Variants in TBC1D1 observed in about 807,000 individuals in gnomAD.
TBC1D1 encodes the protein TBC1 (tre-2/USP6, BUB2, cdc16) domain family, member 1.
In TBC1D1, 89 loss-of-function variants were observed where a neutral mutation model predicts 125.6. The ratio of observed to expected loss-of-function variants is 0.71; its 90% CI spans 0.60 to 0.85. The LOEUF (loss-of-function observed/expected upper bound fraction) is 0.85, where lower values mean the gene tolerates loss of function less well. Among genes scored for constraint, TBC1D1 ranks in the 40% least tolerant of loss-of-function variants. The pLI, the probability that TBC1D1 is intolerant of heterozygous loss-of-function variation, is 0.00. For missense variants in TBC1D1, 1,377 were observed against 1,469.2 expected, an observed-to-expected ratio of 0.94 and a Z score of 1.03; for synonymous variants, 565 against 564.1, an observed-to-expected ratio of 1.00 and a Z score of -0.02.
intron 2 of TBC1D1, among the ~76,000 whole-genome samples, chr4:37,997,440 A>G (rs533281010): frequency 6.6e-6 from 1 of 152,342 alleles, no homozygotes; most frequent in Admixed American, 6.5e-5. Flanking sequence ...TCACTTGTAC[A>G]TTAAAAGAGT....
chr4:38,124,809 CTGAGA>C (rs1764379443), intron 17 of TBC1D1, among the ~76,000 whole-genome samples, 148 bp from the exon 20 acceptor site: 1 of 152,096 alleles, frequency 6.6e-6, no homozygotes, highest in Non-Finnish European at 1.5e-5. Flanking sequence ...ACAACACTGT[CTGAGA>C]TATCAGGCTC....
At position 38,138,920 on chromosome 4, in the gene TBC1D1, C is replaced by G. The variant is rs1578903432; in HGVS notation, c.*1585C>G. On this transcript the variant is annotated 3_prime_UTR_variant, in exon 20 of 20. Transcript: ENST00000261439. ...ACAGGTGGCTGGCATTCGAGACTTCCTCCTGTTCCCTGGGTCAGAGGATAG... is the reference window on the plus strand; with the variant it reads ...ACAGGTGGCTGGCATTCGAGACTTCGTCCTGTTCCCTGGGTCAGAGGATAG... 6.5e-6 allele frequency: 1 copy of G among 152,742 alleles called. No individual in the cohort carries two copies. Among genetic ancestry groups the G allele is most frequent in the East Asian group, 1.9e-4 (1 of 5,186 alleles). 9.5% of individuals were successfully genotyped at this position (152,742 alleles called of 1,614,324 possible). A position where few individuals can be genotyped will look rare whatever the true frequency, so the allele number is the denominator to read the frequency against.
chr4:37,946,566 T>C (rs1274709611), intron 2 of TBC1D1, among the ~76,000 whole-genome samples: 1 of 152,212 alleles, frequency 6.6e-6, no homozygotes, highest in Non-Finnish European at 1.5e-5. Context: ...AATTTTTTCA[T>C]GTTCCAAAGA....
chr4:38,005,988 C>T (rs1740083122), intron 2 of TBC1D1, among the ~76,000 whole-genome samples: 2 of 152,084 alleles, frequency 1.3e-5, no homozygotes, highest in African/African-American at 2.4e-5. Context: ...GTTTTTTGGT[C>T]CTGTTTCTTT....
chr4:38,080,338 T>C (rs993487935), intron 12 of TBC1D1, among the ~76,000 whole-genome samples: 2 of 152,212 alleles, frequency 1.3e-5, no homozygotes, highest in Non-Finnish European at 2.9e-5. Flanking sequence ...GGGTTAAGTG[T>C]GGGCAGCAGT....
At chr4:38,110,903 C>G (rs1380039930) in intron 15 of TBC1D1, among the ~76,000 whole-genome samples, 1 of 152,228 alleles carries the variant, frequency 6.6e-6, no homozygotes, top group Admixed American at 6.5e-5. Context: ...GTGGCCTTCT[C>G]TCCTGTCTTC....
chr4:37,902,080 C>T lies in TBC1D1; in HGVS notation c.-16C>T. The T allele has an allele frequency of 6.3e-7, 1 of 1,581,578 alleles. No individual in the cohort carries two copies. Among genetic ancestry groups the T allele is most frequent in the Non-Finnish European group, 8.6e-7 (1 of 1,164,366 alleles). ...CAGTGATAACTGTTTTGCTGAGTTC[C>T]CAGACCCTTCCCAAGATGGAACCAA... is the stretch of plus-strand genomic sequence containing the variant. On this transcript the variant is annotated 5_prime_UTR_variant, in exon 2 of 20. Coordinates refer to ENST00000261439, the MANE Select transcript of TBC1D1 (RefSeq NM_015173.4).
chr4:37,970,411 C>T (rs116537536), intron 2 of TBC1D1, among the ~76,000 whole-genome samples: 1 of 152,224 alleles, frequency 6.6e-6, no homozygotes, highest in South Asian at 2.1e-4. Context: ...GTCCTATCTC[C>T]TCCTATGCAA....
At chr4:37,933,085 T>C (rs1475296297) in intron 2 of TBC1D1, among the ~76,000 whole-genome samples, 2 of 151,692 alleles carry the variant, frequency 1.3e-5, no homozygotes, top group Non-Finnish European at 2.9e-5. Flanking sequence ...AAAAAACTTA[T>C]ATTAGAATGT....
At chr4:38,105,889 G>A (rs1761212201) in intron 15 of TBC1D1, among the ~76,000 whole-genome samples, 1 of 152,196 alleles carries the variant, frequency 6.6e-6, no homozygotes, top group Admixed American at 6.5e-5. Context: ...GAATAGTGCT[G>A]TGATGAACGT....
At chr4:38,012,094 C>G (rs1741626266) in intron 2 of TBC1D1, among the ~76,000 whole-genome samples, 1 of 152,164 alleles carries the variant, frequency 6.6e-6, no homozygotes, top group African/African-American at 2.4e-5. Flanking sequence ...ATTTTCTGTT[C>G]AGAGTGGGGT....
chr4:37,955,843 A>G (rs1217456857), intron 2 of TBC1D1, among the ~76,000 whole-genome samples: 1 of 152,190 alleles, frequency 6.6e-6, no homozygotes, highest in Non-Finnish European at 1.5e-5. Context: ...AGATTATAAT[A>G]CATATTGTCA....
At chr4:37,982,110 T>G (rs1734444330) in intron 2 of TBC1D1, among the ~76,000 whole-genome samples, 1 of 152,218 alleles carries the variant, frequency 6.6e-6, no homozygotes, top group African/African-American at 2.4e-5. Flanking sequence ...CAAAGTTCTG[T>G]CCTGACTCTG....
intron 2 of TBC1D1, among the ~76,000 whole-genome samples, chr4:38,010,110 G>A (rs1182200086): frequency 2.6e-5 from 4 of 152,190 alleles, no homozygotes; most frequent in African/African-American, 9.7e-5. Context: ...GGAAGTATAT[G>A]TTCTTTTAGA....
chr4:38,077,572 T>A (rs1755803652), intron 12 of TBC1D1, among the ~76,000 whole-genome samples: 1 of 152,120 alleles, frequency 6.6e-6, no homozygotes, highest in African/African-American at 2.4e-5. Flanking sequence ...CCATCTATAT[T>A]ATAAATGTCA....
At chr4:37,991,965 G>A (rs1181303781) in intron 2 of TBC1D1, among the ~76,000 whole-genome samples, 1 of 152,232 alleles carries the variant, frequency 6.6e-6, no homozygotes, top group Admixed American at 6.5e-5. Flanking sequence ...CAGAGGCTTA[G>A]GAGGTGTGTT....
At position 38,025,228 on chromosome 4, in the gene TBC1D1, G is replaced by T. The variant is rs186172777; in HGVS notation, c.1211-2560G>T. On this transcript the variant is annotated intron_variant, in intron 6 of 19. Transcript: ENST00000261439. ...TCACTGACCAGAGGAGCCAGGAGGG[G>T]TTGTAGTTTGGAAACTCTCTTGATG... is the stretch of plus-strand genomic sequence containing the variant. Among the ~76,000 whole-genome samples, 872 of 152,342 alleles carry T rather than the reference G, an allele frequency of 5.7e-3. 8 individuals carry two copies. Among genetic ancestry groups the T allele is most frequent in the African/African-American group, 0.02 (819 of 41,566 alleles).
At chr4:38,124,271 G>T (rs1157967542) in intron 17 of TBC1D1, among the ~76,000 whole-genome samples, 1 of 152,172 alleles carries the variant, frequency 6.6e-6, no homozygotes, top group Non-Finnish European at 1.5e-5. Flanking sequence ...CAGGGCTAGG[G>T]TTGCTGCTCG....
intron 2 of TBC1D1, chr4:37,961,088 G>A (rs1232652044): frequency 1.3e-6 from 2 of 1,558,418 alleles, no homozygotes; most frequent in African/African-American, 1.4e-5. Context: ...TATTAATAAA[G>A]CATTATTTGT....
Sources: allele counts gnomAD v4.1 joint callset (sites outside exome capture counted in the v4.1 genomes callset), GRCh38; gene constraint gnomAD v4.1.1; transcripts MANE v1.5; gene names NCBI Gene and HGNC (gene_info 2026-07-23, HGNC 2026-07-21).